SLC30A9: variants seen among roughly 807,000 people sequenced by gnomAD.
The protein encoded by SLC30A9 is solute carrier family 30 member 9, also known as proton-coupled zinc antiporter SLC30A9, mitochondrial.
Under a neutral mutation model 87.5 loss-of-function variants are expected in SLC30A9, and 58 were observed. That is an observed-to-expected ratio of 0.66 (90% confidence interval 0.54 to 0.82). The LOEUF (loss-of-function observed/expected upper bound fraction) is 0.82, where lower values mean the gene tolerates loss of function less well. Among genes scored for constraint, SLC30A9 ranks in the 40% least tolerant of loss-of-function variants. SLC30A9 has a pLI of 0.00. For missense variants in SLC30A9, 557 were observed against 679.1 expected (o/e 0.82, Z 2.00); for synonymous variants, 234 against 233.0 (o/e 1.00, Z -0.04).
intron 3 of SLC30A9, chr4:42,018,467 G>C: frequency 8.2e-7 from 1 of 1,221,004 alleles, no homozygotes; most frequent in South Asian, 1.5e-5. Context: ...TAAAGAACAA[G>C]AGGCCCACAC....
chr4:42,014,083 G>A (rs897906586), intron 2 of SLC30A9, among the ~76,000 whole-genome samples: 3 of 152,104 alleles, frequency 2.0e-5, no homozygotes, highest in Non-Finnish European at 2.9e-5. Flanking sequence ...CTCAAGAGAC[G>A]TTTTCAAAAG....
intron 6 of SLC30A9, among the ~76,000 whole-genome samples, chr4:42,028,855 T>C (rs949518586): frequency 1.3e-5 from 2 of 152,228 alleles, no homozygotes; most frequent in Non-Finnish European, 2.9e-5. Context: ...TGTCAACCAC[T>C]ATTATCAAAC....
At chr4:42,057,767 G>C (rs1348685311) in intron 9 of SLC30A9, among the ~76,000 whole-genome samples, 2 of 152,088 alleles carry the variant, frequency 1.3e-5, no homozygotes, top group Non-Finnish European at 1.5e-5. Context: ...GCATTGTAAG[G>C]CTGCAAATTT....
intron 17 of SLC30A9, among the ~76,000 whole-genome samples, chr4:42,085,561 C>T (rs957595522): frequency 2.0e-5 from 3 of 152,318 alleles, no homozygotes; most frequent in Admixed American, 2.0e-4. Context: ...ATTATTAGCT[C>T]TAATACTTTA....
intron 2 of SLC30A9, among the ~76,000 whole-genome samples, chr4:42,005,139 T>G (rs772361371): frequency 2.6e-5 from 4 of 152,228 alleles, no homozygotes; most frequent in Non-Finnish European, 4.4e-5. Flanking sequence ...CTTCCCTTTT[T>G]TGCTCTTATT....
At position 42,088,471 on chromosome 4, in the gene SLC30A9, A is replaced by T. The variant is rs1718999394; in HGVS notation, c.*2345A>T. ...GAAATACCTGAGACTGAGTAATCAAAAAAAGAGCTTTAATTGGCTCATGGT... is the reference window on the plus strand; with the variant it reads ...GAAATACCTGAGACTGAGTAATCAATAAAAGAGCTTTAATTGGCTCATGGT... On this transcript the variant is annotated 3_prime_UTR_variant, in exon 18 of 18. Coordinates refer to ENST00000264451, the MANE Select transcript of SLC30A9 (RefSeq NM_006345.4). The T allele has an allele frequency of 6.6e-6, 1 of 152,236 alleles. No individual in the cohort carries two copies. The allele number at this position is 152,236 out of a possible 1,614,324, so 9.4% of individuals were successfully genotyped here.
At chr4:42,075,600 G>A in intron 15 of SLC30A9, 57 bp from the exon 16 acceptor site, 1 of 1,449,442 alleles carries the variant, frequency 6.9e-7, no homozygotes, top group Non-Finnish European at 9.6e-7. Context: ...TGCTATTAAA[G>A]TATATATATG....
At chr4:42,033,713 C>T (rs1290563263) in intron 6 of SLC30A9, among the ~76,000 whole-genome samples, 1 of 152,090 alleles carries the variant, frequency 6.6e-6, no homozygotes, top group Non-Finnish European at 1.5e-5. Context: ...GTAGCTGGGA[C>T]TATAGGCACA....
chr4:42,038,183 C>T (rs1716770203), intron 7 of SLC30A9, among the ~76,000 whole-genome samples: 1 of 152,138 alleles, frequency 6.6e-6, no homozygotes, highest in Non-Finnish European at 1.5e-5. Flanking sequence ...GTTAGAGTTC[C>T]TTGGACCTTA....
In SLC30A9 at chr4:42,043,955, T is replaced by C. The variant is rs1031205783; in HGVS notation, c.737+4902T>C. On this transcript the variant is annotated intron_variant, in intron 8 of 17. Transcript: ENST00000264451. ...AAAGAATTTTTAACCCAGAATTTCA[T>C]ATCCAGCCAAACTAAGCTTCATAAG... 5.3e-5 allele frequency among the ~76,000 whole-genome samples: 8 copies of C among 152,184 alleles called. 1 individual carries two copies. The highest frequency in any genetic ancestry group is 1.9e-4 in the African/African-American group (8 of 41,440).
chr4:42,001,490 T>C (rs1714981547), intron 1 of SLC30A9, 126 bp from the exon 2 acceptor site: 1 of 509,832 alleles, frequency 2.0e-6, no homozygotes, highest in African/African-American at 2.0e-5. Context: ...CACTAATTTT[T>C]CTTTACAAAA....
At chr4:42,030,599 T>TGGGGGGGG (rs145068198) in intron 6 of SLC30A9, among the ~76,000 whole-genome samples, 118 of 148,492 alleles carry the variant, frequency 7.9e-4, no homozygotes, top group African/African-American at 2.4e-3. Flanking sequence ...TTTTTTTTTT[T>TGGGGGGGG]GGGCTCTTTC....
chr4:42,069,918 A>G (rs997477299), intron 14 of SLC30A9, among the ~76,000 whole-genome samples: 1 of 152,148 alleles, frequency 6.6e-6, no homozygotes, highest in South Asian at 2.1e-4. Flanking sequence ...TTTTCTACCA[A>G]GTTTTCAAGT....
chr4:42,011,932 A>C (rs900359632), intron 2 of SLC30A9, among the ~76,000 whole-genome samples: 3 of 152,220 alleles, frequency 2.0e-5, no homozygotes, highest in South Asian at 2.1e-4. Flanking sequence ...TAGTAAATTC[A>C]AATTCAGTCT....
intron 2 of SLC30A9, among the ~76,000 whole-genome samples, chr4:42,015,544 A>C (rs1002829009): frequency 6.6e-6 from 1 of 152,194 alleles, no homozygotes; most frequent in Non-Finnish European, 1.5e-5. Flanking sequence ...GTTTCATTCC[A>C]TGTTTTCAGA....
intron 8 of SLC30A9, among the ~76,000 whole-genome samples, chr4:42,048,950 T>C (rs769670445): frequency 3.3e-5 from 5 of 152,164 alleles, no homozygotes; most frequent in Non-Finnish European, 5.9e-5. Context: ...TAATTGTACT[T>C]GTTTTTTTTG....
chr4:42,089,279 A>T lies in SLC30A9; in HGVS notation c.*3153A>T, dbSNP rs4861019. On this transcript the variant is annotated 3_prime_UTR_variant, in exon 18 of 18. Transcript: ENST00000264451. ...TGATGGGTTTATTGGCACATAACCCAATAATAAGTAAAAAGCATCTGTACC... is the reference window on the plus strand; with the variant it reads ...TGATGGGTTTATTGGCACATAACCCTATAATAAGTAAAAAGCATCTGTACC... The T allele has an allele frequency of 6.6e-6, 1 of 152,154 alleles. No homozygotes were observed. Among genetic ancestry groups the T allele is most frequent in the African/African-American group, 2.4e-5 (1 of 41,408 alleles). 9.4% of individuals were successfully genotyped at this position (152,154 alleles called of 1,614,324 possible). A position where few individuals can be genotyped will look rare whatever the true frequency, so the allele number is the denominator to read the frequency against.
At position 42,065,319 on chromosome 4, in the gene SLC30A9, AT is replaced by A. The variant is rs1418308230; in HGVS notation, c.1046del (p.Leu349Ter). ...AATATTTCTTTTCTAGGCATATTGT[AT>A]TTTAGCAGGATCATTAGTATCTGAA... is the stretch of plus-strand genomic sequence containing the variant. ...PIESLLWAYC[I>X]LAGSLVSEGA... On this transcript the variant is annotated frameshift_variant, in exon 12 of 18. Coordinates refer to ENST00000264451, the MANE Select transcript of SLC30A9 (RefSeq NM_006345.4). LOFTEE classifies it high-confidence loss of function. 3 of 1,361,456 alleles carry A rather than the reference AT, an allele frequency of 2.2e-6. No individual in the cohort carries two copies. Among genetic ancestry groups the A allele is most frequent in the Non-Finnish European group, 2.1e-6 (2 of 953,004 alleles). 84.3% of individuals were successfully genotyped at this position (1,361,456 alleles called of 1,614,324 possible). A position where few individuals can be genotyped will look rare whatever the true frequency, so the allele number is the denominator to read the frequency against.
chr4:42,057,522 G>A (rs1292704709), intron 9 of SLC30A9, among the ~76,000 whole-genome samples: 5 of 152,144 alleles, frequency 3.3e-5, no homozygotes, highest in African/African-American at 1.2e-4. Context: ...GGGATGCAAG[G>A]CACTAAGCTC....
Sources: gnomAD v4.1 joint callset for allele counts (sites outside exome capture counted in the v4.1 genomes callset) on GRCh38, gnomAD v4.1.1 for gene constraint, MANE v1.5 for transcripts, NCBI Gene and HGNC (gene_info 2026-07-23, HGNC 2026-07-21) for gene names.